Variants in HERC2 observed in about 807,000 individuals in gnomAD.
The protein encoded by HERC2 is HECT and RLD domain containing E3 ubiquitin protein ligase 2, also known as E3 ubiquitin-protein ligase HERC2.
HERC2 carries 102 observed loss-of-function variants against 537.7 expected under a neutral mutation model. The ratio of observed to expected loss-of-function variants is 0.19; its 90% CI spans 0.16 to 0.22. The LOEUF is 0.22. Ranked by LOEUF, HERC2 falls within the 10% of genes least tolerant of loss-of-function variation. HERC2 has a pLI of 1.00. For synonymous variants in HERC2, 2,224 were observed against 2,466.2 expected (o/e 0.90, Z 2.91); for missense variants, 4,236 against 6,198.2 (o/e 0.68, Z 10.63).
At position 28,218,785 on chromosome 15, in the gene HERC2, T is replaced by C. The variant is rs575529528; in HGVS notation, c.5846-114A>G. On this transcript the variant is annotated intron_variant, in intron 37 of 92. Transcript: ENST00000261609. ...TTCTTGTTTTATTGAAGACTTGAAT[T>C]TTAGTGCAGTTTTAGGTTCACGCAA... 135 of 956,180 alleles carry C rather than the reference T, an allele frequency of 1.4e-4. No homozygotes were observed. The South Asian group carries it at 1.8e-3, about 13-fold the overall frequency. 59.2% of individuals were successfully genotyped at this position (956,180 alleles called of 1,614,324 possible).
At chr15:28,253,665 C>T (rs2075156828) in intron 20 of HERC2, among the ~76,000 whole-genome samples, 1 of 152,212 alleles carries the variant, frequency 6.6e-6, no homozygotes, top group Admixed American at 6.5e-5. Context: ...TAATCACCTA[C>T]TAAAATACAA....
intron 8 of HERC2, 125 bp from the exon 9 acceptor site, chr15:28,272,511 A>G: frequency 2.3e-6 from 2 of 872,642 alleles, no homozygotes; most frequent in Non-Finnish European, 3.5e-6. Flanking sequence ...AAGGAAACTA[A>G]ACTAAAGCCG....
intron 20 of HERC2, among the ~76,000 whole-genome samples, chr15:28,248,962 C>T (rs1483841922): frequency 1.3e-5 from 2 of 152,212 alleles, no homozygotes; most frequent in African/African-American, 2.4e-5. Flanking sequence ...ATGATGCCCT[C>T]GTGCTTCACT....
chr15:28,291,121 GTACATGCTGGT>G (rs2076299141), intron 4 of HERC2, among the ~76,000 whole-genome samples: 1 of 152,222 alleles, frequency 6.6e-6, no homozygotes, highest in Non-Finnish European at 1.5e-5. Flanking sequence ...ATAACAGGTA[GTACATGCTGGT>G]ACTTACTACA....
chr15:28,258,474 AAAT>A (rs573531710), intron 16 of HERC2, among the ~76,000 whole-genome samples: 6 of 152,012 alleles, frequency 3.9e-5, no homozygotes, highest in African/African-American at 9.7e-5. Flanking sequence ...CTCCATCTCA[AAAT>A]AATAATAATA....
intron 2 of HERC2, among the ~76,000 whole-genome samples, chr15:28,317,603 A>T (rs2077123850): frequency 6.6e-6 from 1 of 152,322 alleles, no homozygotes; most frequent in Middle Eastern, 3.4e-3. Flanking sequence ...ACAGTAACAA[A>T]ATTATAGAGA....
rs1887684387 is a variant in HERC2, at chr15:28,111,870, C to T, written c.14398G>A (p.Ala4800Thr). The T allele has an allele frequency of 6.2e-7, 1 of 1,614,188 alleles. No individual in the cohort carries two copies. Among genetic ancestry groups the T allele is most frequent in the Non-Finnish European group, 8.5e-7 (1 of 1,180,040 alleles). The change falls in exon 93 of 93, where the codon GCA becomes ACA. Residue 4800 changes from alanine to threonine, a missense_variant. By Grantham distance (58) the Ala-to-Thr change is moderately conservative. Around this residue, in one of 27 missense-constraint regions of HERC2, gnomAD observed 313 missense variants for 462.6 expected, o/e 0.68. Transcript: ENST00000261609. ...SIDTDDYARI[A>T]LTGEPAADDS... ...TCGGCGGCTGGCTCTCCTGTAAGTG[C>T]GATGCGAGCGTAGTCATCTGTGTCT...
rs1221502992 is a variant in HERC2, at chr15:28,167,670, G to A, written c.10554+17C>T. ...GATTATTTCACAATACAAAGTTAAA[G>A]AAGAACGCCTCTTCACCTCTTTGGT... On this transcript the variant is annotated intron_variant, in intron 68 of 92. Coordinates refer to ENST00000261609, the MANE Select transcript of HERC2 (RefSeq NM_004667.6). The A allele has an allele frequency of 1.2e-6, 2 of 1,605,602 alleles. No homozygotes were observed. Among genetic ancestry groups the A allele is most frequent in the African/African-American group, 3.0e-5 (2 of 67,762 alleles).
chr15:28,295,521 C>T (rs1018556602), intron 3 of HERC2, among the ~76,000 whole-genome samples: 1 of 152,092 alleles, frequency 6.6e-6, no homozygotes, highest in African/African-American at 2.4e-5. Context: ...TGCCTCAGCC[C>T]CCAAGGAGCT....
chr15:28,184,235 A>G (rs753956807), intron 56 of HERC2, among the ~76,000 whole-genome samples: 4 of 152,076 alleles, frequency 2.6e-5, no homozygotes, highest in Non-Finnish European at 5.9e-5. Context: ...ATACACACAT[A>G]TATGTATGCA....
At chr15:28,207,622 G>A (rs969989488) in intron 44 of HERC2, among the ~76,000 whole-genome samples, 5 of 152,102 alleles carry the variant, frequency 3.3e-5, no homozygotes, top group African/African-American at 9.7e-5. Flanking sequence ...TTTAGGTGCA[G>A]CCTTTAGGAC....
Position 28,141,819 on chromosome 15 carries a change from C to G in HERC2, c.11728G>C (p.Ala3910Pro), listed in dbSNP as rs758354840. The G allele has an allele frequency of 6.2e-6, 10 of 1,613,808 alleles. No homozygotes were observed. The highest frequency in any genetic ancestry group is 7.6e-6 in the Non-Finnish European group (9 of 1,179,988). ...EVAKKIRELM[A>P]DSENMDVLHE... Reference sequence around the variant, plus strand: ...AGAACATCCATGTTTTCGCTGTCTGCCATTAATTCACGAATTTTCTTAGCC... The same window carrying G: ...AGAACATCCATGTTTTCGCTGTCTGGCATTAATTCACGAATTTTCTTAGCC... Residue 3910 changes from alanine (A) to proline (P), a missense_variant, in exon 77 of 93, where the codon GCA (alanine) becomes CCA (proline). This residue lies in a region of HERC2 where 156 missense variants were observed against 172.3 expected (regional missense o/e 0.91). Transcript: ENST00000261609.
chr15:28,139,498 G>A (rs1445587271), intron 78 of HERC2, among the ~76,000 whole-genome samples: 1 of 152,216 alleles, frequency 6.6e-6, no homozygotes, highest in South Asian at 2.1e-4. Flanking sequence ...GCCTCAAGAT[G>A]ACTGCAGCCT....
chr15:28,209,745 G>A (rs1898929491), intron 44 of HERC2, among the ~76,000 whole-genome samples: 2 of 152,052 alleles, frequency 1.3e-5, no homozygotes. Context: ...GTGAATTCTG[G>A]TATAACTGGG....
chr15:28,175,462 G>A (rs770467701), intron 64 of HERC2, 50 bp downstream of exon 64: 34 of 1,526,094 alleles, frequency 2.2e-5, no homozygotes, highest in Admixed American at 3.6e-5. Context: ...TGACCCCCAC[G>A]TCCCCCAAGT....
intron 82 of HERC2, 31 bp from the exon 83 acceptor site, chr15:28,130,333 G>C: frequency 6.2e-7 from 1 of 1,613,692 alleles, no homozygotes; most frequent in Non-Finnish European, 8.5e-7. Flanking sequence ...GAAATTATGG[G>C]GCAAGGTGAT....
chr15:28,257,974 G>A (rs759002260), intron 16 of HERC2, among the ~76,000 whole-genome samples: 26 of 151,762 alleles, frequency 1.7e-4, no homozygotes, highest in Non-Finnish European at 3.2e-4. Context: ...GTGAGCCACC[G>A]CACCTGGCCA....
intron 53 of HERC2, 44 bp from the exon 54 acceptor site, chr15:28,191,288 A>G: frequency 1.5e-6 from 2 of 1,331,362 alleles, no homozygotes; most frequent in African/African-American, 1.5e-5. Flanking sequence ...AGCAAAATTC[A>G]GCTATATTTT....
intron 5 of HERC2, among the ~76,000 whole-genome samples, chr15:28,278,098 A>T (rs2075924581): frequency 2.8e-5 from 4 of 142,164 alleles, no homozygotes; most frequent in South Asian, 2.2e-4. Flanking sequence ...TATACAAATT[A>T]AAAAAAAAAA....
Sources: gnomAD v4.1 joint callset for allele counts (sites outside exome capture counted in the v4.1 genomes callset) on GRCh38, gnomAD v4.1.1 for gene constraint, gnomAD v4.1.1 regional missense constraint, MANE v1.5 for transcripts, NCBI Gene and HGNC (gene_info 2026-07-23, HGNC 2026-07-21) for gene names.